Variants in AMPD3 observed in about 807,000 individuals in gnomAD.
The protein encoded by AMPD3 is adenosine monophosphate deaminase 3.
In AMPD3, 57 loss-of-function variants were observed where a neutral mutation model predicts 82.3. The ratio of observed to expected loss-of-function variants is 0.69; its 90% CI spans 0.56 to 0.86. AMPD3 has a LOEUF of 0.86. AMPD3 is among the 40% of genes least tolerant of loss of function. The pLI, the probability that AMPD3 is intolerant of heterozygous loss-of-function variation, is 0.00. For missense variants in AMPD3, 870 were observed against 1,003.8 expected (o/e 0.87, Z 1.80); for synonymous variants, 381 against 394.7 (o/e 0.97, Z 0.41).
intron 7 of AMPD3, 127 bp downstream of exon 7, chr11:10,493,670 A>T: frequency 9.5e-7 from 1 of 1,056,998 alleles, no homozygotes; most frequent in Non-Finnish European, 1.4e-6. Context: ...CTTCTATCTG[A>T]CTGAGAGGTC....
chr11:10,476,550 T>C (rs1848744614), intron 2 of AMPD3, among the ~76,000 whole-genome samples: 2 of 152,046 alleles, frequency 1.3e-5, no homozygotes, highest in South Asian at 4.2e-4. Context: ...TTGCTTCTTG[T>C]TGGTAGGACC....
intron 2 of AMPD3, among the ~76,000 whole-genome samples, chr11:10,474,141 A>G (rs1848672451): frequency 6.6e-6 from 1 of 152,188 alleles, no homozygotes; most frequent in African/African-American, 2.4e-5. Context: ...TAATCTGTGG[A>G]ACTGTCTGGG....
chr11:10,461,748 C>T lies in AMPD3; in HGVS notation c.221+8C>T. Reference sequence around the variant, plus strand: ...TGTGGAGACCGCAAAAAGGTTTGTTCCCAAGGCATGGTTTTCGTGTACATA... The same window carrying T: ...TGTGGAGACCGCAAAAAGGTTTGTTTCCAAGGCATGGTTTTCGTGTACATA... On this transcript the variant is annotated splice_region_variant and intron_variant, in intron 2 of 14. Coordinates refer to ENST00000396553, the MANE Select transcript of AMPD3 (RefSeq NM_001025389.2). 1 of 1,599,996 alleles carries T rather than the reference C, an allele frequency of 6.3e-7. No homozygotes were observed. Among genetic ancestry groups the T allele is most frequent in the Non-Finnish European group, 8.5e-7 (1 of 1,172,794 alleles).
chr11:10,482,230 G>A lies in AMPD3; in HGVS notation c.589+5G>A. On this transcript the variant is annotated splice_donor_5th_base_variant and intron_variant, in intron 4 of 14. Transcript: ENST00000396553. ...CTCCGGAAGAGGGCCTTCCAGGTAT[G>A]GAGCTCTGGCTGGAGGTTGGGTCCC... 1 of 1,611,206 alleles carries A rather than the reference G, an allele frequency of 6.2e-7. No homozygotes were observed.
At chr11:10,477,892 C>T (rs1848786277) in intron 2 of AMPD3, 2 of 985,418 alleles carry the variant, frequency 2.0e-6, no homozygotes, top group African/African-American at 3.5e-5. Context: ...TGCTGCCAGC[C>T]ATGGGGCCTA....
chr11:10,460,955 C>T, intron 1 of AMPD3: 3 of 985,320 alleles, frequency 3.0e-6, no homozygotes, highest in Non-Finnish European at 3.6e-6. Context: ...TAGGAGGTTC[C>T]AGAGGGTTTG....
In AMPD3 at chr11:10,482,074, G is replaced by T. The variant is rs1403582994; in HGVS notation, c.438G>T (p.Glu146Asp). ...SGDYCAGITL[E>D]DYEQAAKSLA... ...CCTCCCTTCTGCAGATCACTTTGGA[G>T]GACTATGAGCAGGCAGCCAAGAGTC... Residue 146 changes from glutamate (E) to aspartate (D), a missense_variant, in exon 4 of 15, where the codon GAG becomes GAT. Transcript: ENST00000396553. 1 of 1,614,126 alleles carries T rather than the reference G, an allele frequency of 6.2e-7. No homozygotes were observed.
rs375146544 is a variant in AMPD3 at position 10,495,573 on chromosome 11, G to T, written c.1270G>T (p.Val424Phe). ...ACCCAAGCTCTTCTTGTGCCAGGAG[G>T]TTGCCCGGGAGCTGGAGGAGAGCAA... ...GEYFARMVKEVARELEESKYQ... is the reference protein window; with the variant it reads ...GEYFARMVKEFARELEESKYQ... Residue 424 changes from valine to phenylalanine, a missense_variant, in exon 9 of 15, where the codon GTT becomes TTT. By Grantham distance (50) the Val-to-Phe change is conservative (BLOSUM62 -1). Transcript: ENST00000396553. 3.0e-5 allele frequency: 48 copies of T among 1,612,698 alleles called. 1 individual carries two copies. Among genetic ancestry groups the T allele is most frequent in the Admixed American group, 1.2e-4 (7 of 60,002 alleles).
chr11:10,477,170 T>G (rs577684994), intron 2 of AMPD3: 1 of 950,388 alleles, frequency 1.1e-6, no homozygotes, highest in African/African-American at 1.8e-5. Flanking sequence ...TGAAACTTAT[T>G]TGGGGATCAA....
chr11:10,452,958 T>C (rs569441759), upstream of AMPD3, among the ~76,000 whole-genome samples: 13 of 152,116 alleles, frequency 8.5e-5, no homozygotes, highest in Non-Finnish European at 1.8e-4. Flanking sequence ...TTGTTGTTGT[T>C]TGTTTGTTTG....
Position 10,495,680 on chromosome 11 carries a change from G to C in AMPD3, c.1377G>C (p.Gln459His). 6.2e-7 allele frequency: 1 copy of C among 1,614,110 alleles called. No homozygotes were observed. The highest frequency in any genetic ancestry group is 8.5e-7 in the Non-Finnish European group (1 of 1,180,018). ...EWPNLAYWFI[Q>H]HKVYSPNMRW... is the part of the protein sequence containing the mutation. Reference sequence around the variant, plus strand: ...CCAACCTGGCCTACTGGTTCATCCAGCACAAGGTCTACTCTCCCAACATGC... The same window carrying C: ...CCAACCTGGCCTACTGGTTCATCCACCACAAGGTCTACTCTCCCAACATGC... Residue 459 changes from glutamine to histidine, a missense_variant, in exon 9 of 15, where the codon CAG becomes CAC. Gln to His is a conservative substitution (Grantham distance 24, BLOSUM62 0). Coordinates refer to ENST00000396553, the MANE Select transcript of AMPD3 (RefSeq NM_001025389.2).
At chr11:10,481,395 G>A in intron 3 of AMPD3, 3 of 978,136 alleles carry the variant, frequency 3.1e-6, no homozygotes, top group Non-Finnish European at 3.6e-6. Flanking sequence ...GTCCCTCCAT[G>A]GGCCTGGTAC....
At chr11:10,498,727 G>T (rs1591483773) in intron 10 of AMPD3, among the ~76,000 whole-genome samples, 1 of 152,238 alleles carries the variant, frequency 6.6e-6, no homozygotes, top group South Asian at 2.1e-4. Flanking sequence ...ACCTGGCTGG[G>T]GTCTGGGGCG....
At position 10,478,606 on chromosome 11, in the gene AMPD3, C is replaced by T. The variant is rs1379405261; in HGVS notation, c.302C>T (p.Ala101Val). ...PPQQDWKGPP[A>V]ASPAMSPTTP... ...CAGCAAGATTGGAAGGGCCCCCCGGCAGCCAGTCCGGCCATGTCTCCCACA... is the reference window on the plus strand; with the variant it reads ...CAGCAAGATTGGAAGGGCCCCCCGGTAGCCAGTCCGGCCATGTCTCCCACA... Residue 101 changes from alanine (A) to valine (V), a missense_variant, in exon 3 of 15, where the codon GCA (alanine) becomes GTA (valine). Transcript: ENST00000396553. 5.0e-6 allele frequency: 8 copies of T among 1,614,114 alleles called. No homozygotes were observed. Among genetic ancestry groups the T allele is most frequent in the Middle Eastern group, 3.3e-4 (2 of 6,084 alleles).
upstream of AMPD3, among the ~76,000 whole-genome samples, chr11:10,453,834 G>A (rs1223593324): frequency 6.6e-6 from 1 of 152,028 alleles, no homozygotes; most frequent in Non-Finnish European, 1.5e-5. Context: ...TGATCCACCT[G>A]CCTCGGGCTC....
chr11:10,456,392 G>A lies in AMPD3; in HGVS notation c.-6+944G>A, dbSNP rs139421685. On this transcript the variant is annotated intron_variant, in intron 1 of 14. Coordinates refer to ENST00000396553, the MANE Select transcript of AMPD3 (RefSeq NM_001025389.2). The surrounding 1 kb of genome is among the most constrained non-coding windows in gnomAD (Gnocchi z 4.3). ...TGGCATCTTCAGGACCAGTCATGGA[G>A]CCAGGCTCAGGTCTGTGTCGGGGCT... 7 of 1,613,726 alleles carry A rather than the reference G, an allele frequency of 4.3e-6. No homozygotes were observed. The Admixed American group carries it at 1.0e-4, about 23-fold the overall frequency.
chr11:10,450,838 G>A, upstream of AMPD3: 4 of 1,196,402 alleles, frequency 3.3e-6, no homozygotes, highest in Non-Finnish European at 4.1e-6. Context: ...TCCTCCCGCG[G>A]GGCCCTCCTG....
At chr11:10,473,738 G>GTGTCA in intron 2 of AMPD3, 2 of 420,406 alleles carry the variant, frequency 4.8e-6, no homozygotes, top group Non-Finnish European at 6.4e-6. Flanking sequence ...TACAGGGAAG[G>GTGTCA]TGTCAGCCCC....
chr11:10,493,336 C>G lies in AMPD3; in HGVS notation c.940-13C>G, dbSNP rs376226597. 3 of 1,613,786 alleles carry G rather than the reference C, an allele frequency of 1.9e-6. No homozygotes were observed. In the Admixed American group the frequency reaches 5.0e-5, roughly 27 times the overall value. Reference sequence around the variant, plus strand: ...GTGGCCTGACTCAGGGCCTGGTGGGCGCTGTGTTCCAGGTGGACACACACA... The same window carrying G: ...GTGGCCTGACTCAGGGCCTGGTGGGGGCTGTGTTCCAGGTGGACACACACA... On this transcript the variant is annotated splice_polypyrimidine_tract_variant and intron_variant, in intron 6 of 14. Coordinates refer to ENST00000396553, the MANE Select transcript of AMPD3 (RefSeq NM_001025389.2).
Sources: gnomAD v4.1 joint callset for allele counts (sites outside exome capture counted in the v4.1 genomes callset) on GRCh38, gnomAD v4.1.1 for gene constraint, Gnocchi (gnomAD v3.1) non-coding constraint, MANE v1.5 for transcripts, NCBI Gene and HGNC (gene_info 2026-07-23, HGNC 2026-07-21) for gene names.